The following SVOPL variants were observed in gnomAD, a reference collection of about 807,000 sequenced individuals.
SVOPL encodes the protein putative transporter SVOPL.
SVOPL carries 60 observed loss-of-function variants against 61.0 expected under a neutral mutation model. That is an observed-to-expected ratio of 0.98 (90% CI 0.80 to 1.22). The LOEUF is 1.22. SVOPL is among the 50% of genes most tolerant of loss of function. SVOPL has a pLI of 0.00. For missense variants in SVOPL, 662 were observed against 643.9 expected (o/e 1.03, Z -0.30); for synonymous variants, 279 against 250.0 (o/e 1.12, Z -1.09).
In SVOPL at chr7:138,609,089, A is replaced by G. The variant is rs1798881741; in HGVS notation, c.1353+11957T>C. On this transcript the variant is annotated intron_variant, in intron 14 of 15. Coordinates refer to ENST00000674285, the MANE Select transcript of SVOPL (RefSeq NM_001139456.2). Reference sequence around the variant, plus strand: ...GATAAATTACCCAATTAAAATATGAATAAGAACATTCAGTACCATTCCTAA... The same window carrying G: ...GATAAATTACCCAATTAAAATATGAGTAAGAACATTCAGTACCATTCCTAA... Among the ~76,000 whole-genome samples, 3 of 152,210 alleles carry G rather than the reference A, an allele frequency of 2.0e-5. No individual in the cohort carries two copies. The South Asian group carries it at 6.2e-4, about 32-fold the overall frequency.
chr7:138,692,338 G>A (rs551217318), intron 1 of SVOPL, among the ~76,000 whole-genome samples: 1 of 152,262 alleles, frequency 6.6e-6, no homozygotes, highest in East Asian at 1.9e-4. Context: ...AGTAGTGATG[G>A]GAGGTGAAGC....
rs181602502 is a variant in SVOPL, at chr7:138,640,889, A to G, written c.789+3828T>C. On this transcript the variant is annotated intron_variant, in intron 9 of 15. Transcript: ENST00000674285. ...CAATAGACCCATGTAACAAACCCAC[A>G]CATGTACCCCCTGAATCTAAAATAA... Among the ~76,000 whole-genome samples the G allele has an allele frequency of 2.3e-3, 351 of 152,236 alleles. 3 individuals carry two copies. Among genetic ancestry groups the G allele is most frequent in the African/African-American group, 8.1e-3 (336 of 41,526 alleles).
chr7:138,693,174 T>C (rs1372128804), intron 1 of SVOPL, among the ~76,000 whole-genome samples: 1 of 152,104 alleles, frequency 6.6e-6, no homozygotes, highest in Non-Finnish European at 1.5e-5. Context: ...GTTTTAATCA[T>C]AAAAGTAATC....
In SVOPL at chr7:138,655,185, G is replaced by C. The variant is rs184663556; in HGVS notation, c.534+1263C>G. On this transcript the variant is annotated intron_variant, in intron 7 of 15. Coordinates refer to ENST00000674285, the MANE Select transcript of SVOPL (RefSeq NM_001139456.2). Reference sequence around the variant, plus strand: ...AGCCTGGGTGACAGAGCAAGACCCTGTCTCAAAAAAAAGAAAAGAAAAGAA... The same window carrying C: ...AGCCTGGGTGACAGAGCAAGACCCTCTCTCAAAAAAAAGAAAAGAAAAGAA... Among the ~76,000 whole-genome samples the C allele has an allele frequency of 4.0e-3, 602 of 150,216 alleles. 4 individuals are homozygous for C. Among genetic ancestry groups the C allele is most frequent in the African/African-American group, 0.014 (573 of 40,830 alleles).
intron 15 of SVOPL, 129 bp from the exon 16 acceptor site, chr7:138,594,750 C>T (rs1052156595): frequency 5.2e-6 from 3 of 578,118 alleles, no homozygotes; most frequent in Non-Finnish European, 2.8e-6. Context: ...AAAATCCTAG[C>T]ATTTACCTTT....
At chr7:138,688,974 TG>T (rs2117137029) in intron 1 of SVOPL, 1 of 629,062 alleles carries the variant, frequency 1.6e-6, no homozygotes, top group South Asian at 1.5e-5. Flanking sequence ...TGAGGTGATC[TG>T]TGAAATGGTT....
At chr7:138,690,401 C>T (rs539061406) in intron 1 of SVOPL, among the ~76,000 whole-genome samples, 66 of 152,192 alleles carry the variant, frequency 4.3e-4, no homozygotes, top group African/African-American at 1.4e-3. Flanking sequence ...TCCAAATGCC[C>T]ATCATCTGAT....
At chr7:138,596,687 A>T in intron 14 of SVOPL, 157 bp from the exon 15 acceptor site, 1 of 1,368,802 alleles carries the variant, frequency 7.3e-7, no homozygotes, top group Non-Finnish European at 9.5e-7. Context: ...TATCTGAGCC[A>T]ATCTGGTGTA....
At chr7:138,682,469 A>C (rs1802720320) in intron 1 of SVOPL, among the ~76,000 whole-genome samples, 1 of 149,198 alleles carries the variant, frequency 6.7e-6, no homozygotes, top group African/African-American at 2.6e-5. Flanking sequence ...AACATGTTAA[A>C]CAACACCATG....
chr7:138,594,762 T>A, intron 15 of SVOPL, 141 bp from the exon 16 acceptor site: 2 of 555,464 alleles, frequency 3.6e-6, no homozygotes, highest in Non-Finnish European at 6.0e-6. Context: ...TTTACCTTTG[T>A]GTATCTGAAG....
In SVOPL at chr7:138,629,153, G is replaced by GTGTATA. The variant is rs10624737; in HGVS notation, c.864-791_864-790insTATACA. ...TGTGTGTGTGTGTGTGTGTGTGTGT[G>GTGTATA]TATATATGTATATATAATTTGCTGG... On this transcript the variant is annotated intron_variant, in intron 10 of 15. Coordinates refer to ENST00000674285, the MANE Select transcript of SVOPL (RefSeq NM_001139456.2). Among the ~76,000 whole-genome samples the GTGTATA allele has an allele frequency of 4.6e-3, 685 of 147,372 alleles. 4 individuals carry two copies. Among genetic ancestry groups the GTGTATA allele is most frequent in the Middle Eastern group, 0.01 (3 of 288 alleles).
rs886944015 is a variant in SVOPL at position 138,608,098 on chromosome 7, G to T, written c.1354-11568C>A. On this transcript the variant is annotated intron_variant, in intron 14 of 15. Coordinates refer to ENST00000674285, the MANE Select transcript of SVOPL (RefSeq NM_001139456.2). ...ATTTGAAGAAGACAATAAAATCCCA[G>T]CAAGGGCCATAGGAGGAAAGATTGG... Among the ~76,000 whole-genome samples the T allele has an allele frequency of 1.9e-4, 29 of 152,170 alleles. 1 individual carries two copies. Among genetic ancestry groups the T allele is most frequent in the Non-Finnish European group, 2.9e-5 (2 of 68,036 alleles).
chr7:138,675,362 T>C (rs1239567054), intron 3 of SVOPL, among the ~76,000 whole-genome samples: 1 of 152,216 alleles, frequency 6.6e-6, no homozygotes, highest in Non-Finnish European at 1.5e-5. Flanking sequence ...TTTATTTTAT[T>C]TTTTTAACTG....
chr7:138,599,286 A>G (rs1798414662), intron 14 of SVOPL, among the ~76,000 whole-genome samples: 1 of 152,208 alleles, frequency 6.6e-6, no homozygotes, highest in African/African-American at 2.4e-5. Flanking sequence ...CAACTTCTGA[A>G]AATGTGGGGG....
At chr7:138,680,871 G>T (rs1802686719) in intron 1 of SVOPL, among the ~76,000 whole-genome samples, 1 of 152,084 alleles carries the variant, frequency 6.6e-6, no homozygotes, top group Admixed American at 6.5e-5. Context: ...GAGCCACCTT[G>T]CCCGGCCAGA....
intron 8 of SVOPL, among the ~76,000 whole-genome samples, chr7:138,648,237 G>A (rs111907604): frequency 1.1e-4 from 17 of 152,182 alleles, no homozygotes; most frequent in African/African-American, 4.1e-4. Context: ...AAACTTCTAG[G>A]AAGAGGGGCA....
At chr7:138,664,352 G>T in intron 4 of SVOPL, 5 of 573,464 alleles carry the variant, frequency 8.7e-6, no homozygotes, top group Non-Finnish European at 1.1e-5. Flanking sequence ...TCCATCGGGC[G>T]TGCGCCTAAC....
At chr7:138,643,348 C>T (rs1800927058) in intron 9 of SVOPL, among the ~76,000 whole-genome samples, 2 of 145,748 alleles carry the variant, frequency 1.4e-5, no homozygotes. Context: ...TTGCTTGAAC[C>T]AGGGAGTCGG....
intron 12 of SVOPL, 86 bp from the exon 13 acceptor site, chr7:138,626,136 C>T (rs1799882927): frequency 1.6e-6 from 2 of 1,280,886 alleles, no homozygotes; most frequent in Admixed American, 1.9e-5. Context: ...ACTGTGGATG[C>T]TGAGATACAA....
Sources: gnomAD v4.1 joint callset for allele counts (sites outside exome capture counted in the v4.1 genomes callset) on GRCh38, gnomAD v4.1.1 for gene constraint, MANE v1.5 for transcripts, NCBI Gene and HGNC (gene_info 2026-07-23, HGNC 2026-07-21) for gene names.